FAT3: variants seen among roughly 807,000 people sequenced by gnomAD.
FAT3 encodes the protein protocadherin Fat 3.
Under a neutral mutation model 310.2 loss-of-function variants are expected in FAT3, and 95 were observed. The ratio of observed to expected loss-of-function variants is 0.31; its 90% confidence interval spans 0.26 to 0.36. The LOEUF is 0.36. Among genes scored for constraint, FAT3 ranks in the 10% least tolerant of loss-of-function variants. The pLI, the probability that FAT3 is intolerant of heterozygous loss-of-function variation, is 1.00. For missense variants in FAT3, 5,408 were observed against 5,715.6 expected, an observed-to-expected ratio of 0.95 and a Z score of 1.74; for synonymous variants, 2,314 against 2,192.9, an observed-to-expected ratio of 1.06 and a Z score of -1.54.
At chr11:92,845,886 C>T (rs976881542) in intron 19 of FAT3, among the ~76,000 whole-genome samples, 4 of 152,136 alleles carry the variant, frequency 2.6e-5, no homozygotes, top group South Asian at 2.1e-4. Flanking sequence ...CTGAGAGACA[C>T]TTTGACAGGC....
At chr11:92,361,014 TAACA>T (rs1948867135) in intron 2 of FAT3, among the ~76,000 whole-genome samples, 1 of 152,228 alleles carries the variant, frequency 6.6e-6, no homozygotes. Context: ...TATTGCTATA[TAACA>T]AACAATTGTG....
intron 2 of FAT3, among the ~76,000 whole-genome samples, chr11:92,447,150 CAT>C (rs1229945965): frequency 6.6e-6 from 1 of 150,988 alleles, no homozygotes; most frequent in East Asian, 1.9e-4. Context: ...ACGTGTGTGC[CAT>C]ATGTGTGTAT....
At chr11:92,742,725 T>C (rs544591515) in intron 4 of FAT3, among the ~76,000 whole-genome samples, 111 of 152,340 alleles carry the variant, frequency 7.3e-4, no homozygotes, top group African/African-American at 2.6e-3. Context: ...GATGGCACCT[T>C]GATGTTGGAC....
At chr11:92,752,410 T>C (rs909760888) in intron 4 of FAT3, among the ~76,000 whole-genome samples, 3 of 152,214 alleles carry the variant, frequency 2.0e-5, no homozygotes, top group Non-Finnish European at 4.4e-5. Flanking sequence ...ATTGGTTAAA[T>C]TGGTGTAAAA....
intron 2 of FAT3, among the ~76,000 whole-genome samples, chr11:92,520,765 GTCCTT>G (rs1953656554): frequency 6.6e-6 from 1 of 152,102 alleles, no homozygotes; most frequent in Non-Finnish European, 1.5e-5. Context: ...TTCAGACTCA[GTCCTT>G]TTAAAATTTG....
intron 2 of FAT3, among the ~76,000 whole-genome samples, chr11:92,475,021 A>C (rs563838676): frequency 6.6e-6 from 1 of 152,268 alleles, no homozygotes; most frequent in South Asian, 2.1e-4. Context: ...CACTGGTTTT[A>C]AATATTTCTC....
chr11:92,511,126 T>A (rs1953274092), intron 2 of FAT3, among the ~76,000 whole-genome samples: 1 of 152,246 alleles, frequency 6.6e-6, no homozygotes, highest in African/African-American at 2.4e-5. Context: ...TCTTTGCTTC[T>A]AGGCTTGAGG....
intron 1 of FAT3, among the ~76,000 whole-genome samples, chr11:92,243,021 T>C (rs934844135): frequency 3.3e-5 from 5 of 152,032 alleles, no homozygotes; most frequent in African/African-American, 1.2e-4. Flanking sequence ...TTGCAAGTTA[T>C]TTTTTGTAAA....
chr11:92,310,439 A>G (rs1947267268), intron 1 of FAT3, among the ~76,000 whole-genome samples: 1 of 152,196 alleles, frequency 6.6e-6, no homozygotes, highest in Non-Finnish European at 1.5e-5. Flanking sequence ...CAGAATTGAA[A>G]TATGTACTGA....
intron 2 of FAT3, among the ~76,000 whole-genome samples, chr11:92,445,062 G>C (rs1194343178): frequency 6.6e-6 from 1 of 152,164 alleles, no homozygotes; most frequent in East Asian, 1.9e-4. Context: ...ATGGGTAGAA[G>C]ATAGCCAAGA....
chr11:92,416,846 A>T (rs1206732266), intron 2 of FAT3, among the ~76,000 whole-genome samples: 1 of 152,166 alleles, frequency 6.6e-6, no homozygotes, highest in Admixed American at 6.6e-5. Flanking sequence ...ACAGATGCAG[A>T]TCTGTCCACA....
chr11:92,291,270 G>A (rs1946686817), intron 1 of FAT3, among the ~76,000 whole-genome samples: 1 of 152,112 alleles, frequency 6.6e-6, no homozygotes, highest in African/African-American at 2.4e-5. Flanking sequence ...TATCCTGTTG[G>A]AGGGGTTGAT....
chr11:92,564,495 A>G (rs1955356684), intron 3 of FAT3, among the ~76,000 whole-genome samples: 1 of 151,490 alleles, frequency 6.6e-6, no homozygotes, highest in Non-Finnish European at 1.5e-5. Context: ...GAAAGTCAAC[A>G]AGGATACCCA....
At chr11:92,551,791 G>A (rs145972629) in intron 3 of FAT3, among the ~76,000 whole-genome samples, 107 of 151,980 alleles carry the variant, frequency 7.0e-4, no homozygotes, top group African/African-American at 2.4e-3. Flanking sequence ...TTCAACTTTC[G>A]GGTTTCTTTA....
rs1223610367 is a variant in FAT3 at position 92,891,611 on chromosome 11, C to G, written c.*498C>G. 1 of 162,312 alleles carries G rather than the reference C, an allele frequency of 6.2e-6. No homozygotes were observed. The highest frequency in any genetic ancestry group is 1.4e-5 in the Non-Finnish European group (1 of 72,780). 10.1% of individuals were successfully genotyped at this position (162,312 alleles called of 1,614,324 possible). On this transcript the variant is annotated 3_prime_UTR_variant, in exon 28 of 28. Transcript: ENST00000525166. ...GAGAAACAAATATTATTAAACAAAC[C>G]AGAAAATGGGCTGAAGCCTTTTAAA...
chr11:92,552,386 A>G (rs181828028), intron 3 of FAT3, among the ~76,000 whole-genome samples: 1 of 152,360 alleles, frequency 6.6e-6, no homozygotes, highest in Admixed American at 6.5e-5. Flanking sequence ...TCACATGGAA[A>G]ATATTAAATG....
At chr11:92,816,956 A>T (rs747436230) in intron 13 of FAT3, among the ~76,000 whole-genome samples, 1 of 152,174 alleles carries the variant, frequency 6.6e-6, no homozygotes, top group Non-Finnish European at 1.5e-5. Context: ...AGCCCAGGTG[A>T]CAGAGTGAGA....
chr11:92,491,312 G>A (rs78043702), intron 2 of FAT3, among the ~76,000 whole-genome samples: 4,914 of 151,942 alleles, frequency 0.032, 273 homozygotes, highest in African/African-American at 0.11. Flanking sequence ...AGGTACTATG[G>A]GTATCTAATG....
intron 3 of FAT3, among the ~76,000 whole-genome samples, chr11:92,659,137 T>G (rs1377440454): frequency 6.6e-6 from 1 of 152,132 alleles, no homozygotes; most frequent in Non-Finnish European, 1.5e-5. Flanking sequence ...TATGTAACCT[T>G]GCCAGAGGGA....
Sources: gnomAD v4.1 joint callset for allele counts (sites outside exome capture counted in the v4.1 genomes callset) on GRCh38, gnomAD v4.1.1 for gene constraint, MANE v1.5 for transcripts, NCBI Gene and HGNC (gene_info 2026-07-23, HGNC 2026-07-21) for gene names.